SLC22A15: variants seen among roughly 807,000 people sequenced by gnomAD.
SLC22A15 encodes the protein solute carrier family 22 member 15.
Under a neutral mutation model 62.7 loss-of-function variants are expected in SLC22A15, and 45 were observed. The observed-to-expected ratio is 0.72, with a 90% confidence interval of 0.56 to 0.92. The LOEUF (loss-of-function observed/expected upper bound fraction) is 0.92, where lower values mean the gene tolerates loss of function less well. Among genes scored for constraint, SLC22A15 ranks in the 40% least tolerant of loss-of-function variants. The probability of loss-of-function intolerance (pLI) is 0.00; values close to 1 mark genes in which losing one functional copy is unlikely to be tolerated. For synonymous variants in SLC22A15, 264 were observed against 267.0 expected (o/e 0.99, Z 0.11); for missense variants, 622 against 665.6 (o/e 0.93, Z 0.72).
chr1:116,023,447 A>G (rs1253600539), intron 4 of SLC22A15, among the ~76,000 whole-genome samples: 1 of 152,226 alleles, frequency 6.6e-6, no homozygotes, highest in Non-Finnish European at 1.5e-5. Context: ...TAAAGAATAC[A>G]TGTAGTCCTA....
At chr1:116,027,845 G>A (rs1657175570) in intron 5 of SLC22A15, among the ~76,000 whole-genome samples, 1 of 152,072 alleles carries the variant, frequency 6.6e-6, no homozygotes, top group South Asian at 2.1e-4. Context: ...GGCTGGTCTC[G>A]AACTTCTGAC....
intron 8 of SLC22A15, among the ~76,000 whole-genome samples, chr1:116,045,325 G>A (rs1657902822): frequency 6.6e-6 from 1 of 152,038 alleles, no homozygotes; most frequent in Non-Finnish European, 1.5e-5. Context: ...GGGATTACAG[G>A]TGTGAGCCAC....
At chr1:115,978,835 C>A (rs1654453643) in intron 1 of SLC22A15, among the ~76,000 whole-genome samples, 1 of 152,098 alleles carries the variant, frequency 6.6e-6, no homozygotes, top group African/African-American at 2.4e-5. Flanking sequence ...GGTTTTGCTT[C>A]CCCCAGCAGA....
chr1:115,985,541 A>G (rs909421573), intron 1 of SLC22A15, among the ~76,000 whole-genome samples: 4 of 152,164 alleles, frequency 2.6e-5, no homozygotes, highest in African/African-American at 4.8e-5. Context: ...TCTGAGGTGC[A>G]TAATATAATG....
intron 8 of SLC22A15, among the ~76,000 whole-genome samples, chr1:116,040,783 A>G (rs1226185233): frequency 6.6e-6 from 1 of 152,170 alleles, no homozygotes; most frequent in African/African-American, 2.4e-5. Flanking sequence ...ATGCCAGGCT[A>G]ATTTTTAAAT....
At chr1:115,981,646 T>G (rs1464804344) in intron 1 of SLC22A15, among the ~76,000 whole-genome samples, 4 of 152,208 alleles carry the variant, frequency 2.6e-5, no homozygotes, top group African/African-American at 9.7e-5. Context: ...CCAGGGAGGC[T>G]GTAGAGATAC....
At chr1:115,999,590 A>G (rs1391133234) in intron 2 of SLC22A15, among the ~76,000 whole-genome samples, 1 of 143,370 alleles carries the variant, frequency 7.0e-6, no homozygotes, top group Non-Finnish European at 1.5e-5. Context: ...TGCAACCTCC[A>G]CCTCCTGGGT....
At chr1:116,066,736 C>A in intron 11 of SLC22A15, 28 bp downstream of exon 11, 1 of 1,574,708 alleles carries the variant, frequency 6.4e-7, no homozygotes, top group Non-Finnish European at 8.6e-7. Context: ...ATTATTATAC[C>A]GCTTGGATAG....
At chr1:116,029,709 A>G (rs1241373693) in intron 5 of SLC22A15, among the ~76,000 whole-genome samples, 1 of 152,240 alleles carries the variant, frequency 6.6e-6, no homozygotes, top group Non-Finnish European at 1.5e-5. Context: ...ACCAGCTTTA[A>G]AATGATTTAT....
chr1:115,991,311 G>A (rs894071322), intron 1 of SLC22A15, among the ~76,000 whole-genome samples: 1 of 152,206 alleles, frequency 6.6e-6, no homozygotes, highest in African/African-American at 2.4e-5. Flanking sequence ...TTGAATGAAT[G>A]TGTGAAGTAT....
At position 116,031,423 on chromosome 1, in the gene SLC22A15, A is replaced by G; in HGVS notation, c.786A>G (p.Glu262=). ...LYSQGRLSEA[E]EALYLIAKRN... ...CCCAGGGTCGACTGAGTGAGGCTGA[A>G]GAGGCGCTGTACCTCATTGCCAAGA... The change falls in exon 6 of 12, where the codon GAA becomes GAG. Residue 262 remains glutamate (E), a synonymous_variant. Coordinates refer to ENST00000369503, the MANE Select transcript of SLC22A15 (RefSeq NM_018420.3). 1 of 1,613,900 alleles carries G rather than the reference A, an allele frequency of 6.2e-7. No homozygotes were observed. The highest frequency in any genetic ancestry group is 1.1e-5 in the South Asian group (1 of 91,076).
chr1:116,011,504 A>G (rs1194108105), intron 2 of SLC22A15, among the ~76,000 whole-genome samples: 1 of 152,168 alleles, frequency 6.6e-6, no homozygotes, highest in African/African-American at 2.4e-5. Flanking sequence ...GAAGATGCCT[A>G]TAAGACGATG....
intron 6 of SLC22A15, among the ~76,000 whole-genome samples, chr1:116,034,632 A>T (rs1286616227): frequency 6.6e-6 from 1 of 152,128 alleles, no homozygotes; most frequent in Non-Finnish European, 1.5e-5. Context: ...TGAATGCAGG[A>T]TGGGGTTAAA....
chr1:115,998,982 T>C (rs188644803), intron 2 of SLC22A15, among the ~76,000 whole-genome samples: 2 of 152,310 alleles, frequency 1.3e-5, no homozygotes, highest in African/African-American at 4.8e-5. Flanking sequence ...ATTTCTATTT[T>C]CATTTGTTTC....
At chr1:115,977,138 A>G (rs1654347677) in intron 1 of SLC22A15, among the ~76,000 whole-genome samples, 1 of 152,202 alleles carries the variant, frequency 6.6e-6, no homozygotes, top group Non-Finnish European at 1.5e-5. Flanking sequence ...CAGTCTTGAT[A>G]ATCTGCAGAC....
In SLC22A15 at chr1:116,048,422, C is replaced by T. The variant is rs1012614334; in HGVS notation, c.1171+11034C>T. ...GCTACAAGCTAGAAGGGATTGGGGCCCTGTCTTCAGCCTCCTCAAACCGAA... is the reference window on the plus strand; with the variant it reads ...GCTACAAGCTAGAAGGGATTGGGGCTCTGTCTTCAGCCTCCTCAAACCGAA... On this transcript the variant is annotated intron_variant, in intron 8 of 11. Coordinates refer to ENST00000369503, the MANE Select transcript of SLC22A15 (RefSeq NM_018420.3). Among the ~76,000 whole-genome samples the T allele has an allele frequency of 2.6e-5, 4 of 152,106 alleles. No individual in the cohort carries two copies. The South Asian group carries it at 8.3e-4, about 32-fold the overall frequency.
intron 3 of SLC22A15, 56 bp from the exon 4 acceptor site, chr1:116,020,665 C>A: frequency 3.7e-6 from 5 of 1,356,908 alleles, no homozygotes; most frequent in Non-Finnish European, 5.1e-6. Context: ...TAATTTATTA[C>A]TTTCATCAAA....
rs1658017754 is a variant in SLC22A15 at position 116,050,339 on chromosome 1, T to C, written c.1172-12423T>C. Among the ~76,000 whole-genome samples, 2 of 152,026 alleles carry C rather than the reference T, an allele frequency of 1.3e-5. 1 individual carries two copies. Among genetic ancestry groups the C allele is most frequent in the South Asian group, 4.2e-4 (2 of 4,814 alleles). ...TCCTTGATGAACATAGTTGCTAAAA[T>C]CCTTAACAAAATACTAGCTAACCAA... is the stretch of plus-strand genomic sequence containing the variant. On this transcript the variant is annotated intron_variant, in intron 8 of 11. Transcript: ENST00000369503.
chr1:116,015,487 C>T (rs1656478633), intron 2 of SLC22A15, among the ~76,000 whole-genome samples: 1 of 152,194 alleles, frequency 6.6e-6, no homozygotes, highest in Non-Finnish European at 1.5e-5. Flanking sequence ...CAGCTATCCA[C>T]TTAAAAGGAT....
Sources: gnomAD v4.1 joint callset for allele counts (sites outside exome capture counted in the v4.1 genomes callset) on GRCh38, gnomAD v4.1.1 for gene constraint, MANE v1.5 for transcripts, NCBI Gene and HGNC (gene_info 2026-07-23, HGNC 2026-07-21) for gene names.